VAMP4: variants seen among roughly 807,000 people sequenced by gnomAD.
VAMP4 encodes vesicle associated membrane protein 4, also known as vesicle-associated membrane protein 4.
In VAMP4, 19 loss-of-function variants were observed where a neutral mutation model predicts 23.5. The ratio of observed to expected loss-of-function variants is 0.81; its 90% CI spans 0.56 to 1.19. VAMP4 has a LOEUF of 1.19. VAMP4 is among the 50% of genes most tolerant of loss of function. VAMP4 has a pLI of 0.00. For synonymous variants in VAMP4, 31 were observed against 51.0 expected (o/e 0.61, Z 1.67); for missense variants, 145 against 168.6 (o/e 0.86, Z 0.78).
intron 4 of VAMP4, among the ~76,000 whole-genome samples, chr1:171,717,222 C>T (rs1324650815): frequency 6.6e-6 from 1 of 152,156 alleles, no homozygotes; most frequent in African/African-American, 2.4e-5. Context: ...GGTGTGTCAT[C>T]AGTGGAGGCC....
intron 6 of VAMP4, among the ~76,000 whole-genome samples, chr1:171,706,724 A>C (rs1273756330): frequency 6.6e-6 from 1 of 152,210 alleles, no homozygotes; most frequent in Non-Finnish European, 1.5e-5. Context: ...CGATGTATTG[A>C]ACCATTTGAA....
intron 4 of VAMP4, among the ~76,000 whole-genome samples, chr1:171,711,802 G>C (rs936772080): frequency 6.6e-6 from 1 of 152,132 alleles, no homozygotes; most frequent in Non-Finnish European, 1.5e-5. Context: ...TGGATTACTA[G>C]CGACTACAGA....
chr1:171,739,059 T>C (rs116325713), intron 1 of VAMP4, among the ~76,000 whole-genome samples: 121 of 152,360 alleles, frequency 7.9e-4, no homozygotes, highest in Non-Finnish European at 1.3e-3. Context: ...TTTCCTGACA[T>C]ATCCTTGGAA....
intron 2 of VAMP4, among the ~76,000 whole-genome samples, chr1:171,734,771 T>C (rs950584867): frequency 2.6e-5 from 4 of 152,148 alleles, no homozygotes; most frequent in Non-Finnish European, 5.9e-5. Context: ...GTCAATTTTA[T>C]TCAGTTCTGG....
chr1:171,733,077 T>C (rs990341413), intron 2 of VAMP4, among the ~76,000 whole-genome samples: 5 of 152,138 alleles, frequency 3.3e-5, no homozygotes, highest in African/African-American at 1.2e-4. Flanking sequence ...TTCAAGGAAA[T>C]GCATTAGGTC....
intron 6 of VAMP4, among the ~76,000 whole-genome samples, chr1:171,708,017 A>T (rs1039679012): frequency 2.0e-5 from 3 of 152,080 alleles, no homozygotes; most frequent in African/African-American, 7.2e-5. Context: ...TAGAAGCTTT[A>T]GGCAAAGTGT....
intron 4 of VAMP4, among the ~76,000 whole-genome samples, chr1:171,711,472 G>T (rs1159536167): frequency 6.6e-6 from 1 of 152,048 alleles, no homozygotes; most frequent in Non-Finnish European, 1.5e-5. Flanking sequence ...ATTGTTTTCT[G>T]TTTTTCGATT....
chr1:171,708,128 G>A (rs1389198038), intron 6 of VAMP4, among the ~76,000 whole-genome samples: 16 of 151,840 alleles, frequency 1.1e-4, no homozygotes, highest in South Asian at 4.2e-4. Context: ...GTGAAACCCC[G>A]TCTCTACTAA....
intron 2 of VAMP4, among the ~76,000 whole-genome samples, chr1:171,732,822 G>T (rs924768784): frequency 3.9e-5 from 6 of 152,044 alleles, no homozygotes; most frequent in Admixed American, 2.6e-4. Flanking sequence ...TAACATATTT[G>T]ATTATATAAA....
At chr1:171,731,277 G>T (rs1340111543) in intron 2 of VAMP4, among the ~76,000 whole-genome samples, 1 of 152,080 alleles carries the variant, frequency 6.6e-6, no homozygotes, top group African/African-American at 2.4e-5. Context: ...GGGGTGGGGA[G>T]AAGGGGGAGT....
intron 5 of VAMP4, 147 bp downstream of exon 5, chr1:171,710,567 G>T: frequency 1.9e-6 from 1 of 538,036 alleles, no homozygotes. Context: ...TCAAAGTAAA[G>T]GAGTTAAAAT....
rs41263722 is a variant in VAMP4, at chr1:171,710,990, T to A, written c.165-176A>T. 0.067 allele frequency among the ~76,000 whole-genome samples: 10,251 copies of A among 152,152 alleles called. 495 individuals are homozygous for A. The highest frequency in any genetic ancestry group is 0.13 in the African/African-American group (5,538 of 41,528). On this transcript the variant is annotated intron_variant, in intron 4 of 7. Coordinates refer to ENST00000236192, the MANE Select transcript of VAMP4 (RefSeq NM_003762.5). ...CCATTTGTGGGCTTCAGTACTCAGA[T>A]AATGAAAGACAATATGATATAAATT...
At chr1:171,710,677 A>C (rs757981791) in intron 5 of VAMP4, 37 bp downstream of exon 5, 7 of 1,495,514 alleles carry the variant, frequency 4.7e-6, no homozygotes, top group Admixed American at 4.1e-5. Flanking sequence ...ACTAGCAAAC[A>C]GATTAGTAAT....
intron 7 of VAMP4, among the ~76,000 whole-genome samples, chr1:171,705,690 T>C (rs1374642608): frequency 2.0e-5 from 3 of 152,188 alleles, no homozygotes; most frequent in African/African-American, 4.8e-5. Context: ...CATTTTTTTC[T>C]GTTTAAAAAT....
At chr1:171,704,796 AT>A (rs970135089) in intron 7 of VAMP4, among the ~76,000 whole-genome samples, 1 of 152,004 alleles carries the variant, frequency 6.6e-6, no homozygotes, top group African/African-American at 2.4e-5. Flanking sequence ...ATTACTAAAA[AT>A]TTTGATAACC....
At chr1:171,715,356 AG>A (rs1654994664) in intron 4 of VAMP4, among the ~76,000 whole-genome samples, 1 of 152,326 alleles carries the variant, frequency 6.6e-6, no homozygotes, top group East Asian at 1.9e-4. Context: ...AAATCCTCTT[AG>A]AGTCTGACGG....
chr1:171,705,754 G>A (rs900006302), intron 7 of VAMP4, among the ~76,000 whole-genome samples: 10 of 151,904 alleles, frequency 6.6e-5, no homozygotes, highest in Admixed American at 1.3e-4. Flanking sequence ...TTTCCAAAGC[G>A]TCATAAAACC....
intron 4 of VAMP4, among the ~76,000 whole-genome samples, chr1:171,717,864 T>C (rs1655068854): frequency 6.6e-6 from 1 of 152,164 alleles, no homozygotes; most frequent in African/African-American, 2.4e-5. Context: ...GTTGTATCTT[T>C]AGTCAAATAA....
chr1:171,729,649 C>G (rs767946386), intron 2 of VAMP4, among the ~76,000 whole-genome samples: 1 of 152,138 alleles, frequency 6.6e-6, no homozygotes, highest in Non-Finnish European at 1.5e-5. Context: ...TTCCTAATCA[C>G]AAAAACCTGT....
Sources: allele counts gnomAD v4.1 joint callset (sites outside exome capture counted in the v4.1 genomes callset), GRCh38; gene constraint gnomAD v4.1.1; transcripts MANE v1.5; gene names NCBI Gene and HGNC (gene_info 2026-07-23, HGNC 2026-07-21).